Variants in ATP2B3 observed in about 807,000 individuals in gnomAD.
ATP2B3 encodes ATPase plasma membrane Ca2+ transporting 3.
A neutral mutation model predicts 70.8 loss-of-function variants in ATP2B3; 12 were observed. The observed-to-expected ratio is 0.17, with a 90% CI of 0.11 to 0.27. The LOEUF is 0.27. Ranked by LOEUF, ATP2B3 falls within the 10% of genes least tolerant of loss-of-function variation. The pLI is 1.00. For synonymous variants in ATP2B3, 460 were observed against 497.8 expected (o/e 0.92, Z 1.01); for missense variants, 858 against 1,118.5 (o/e 0.77, Z 3.32).
intron 21 of ATP2B3, among the ~76,000 whole-genome samples, chrX:153,578,387 A>C (rs782197446): frequency 1.8e-5 from 2 of 113,025 alleles, no homozygotes; most frequent in African/African-American, 6.4e-5. Context: ...ATGGCAGTAC[A>C]AGGTGGGCCA....
chrX:153,556,464 T>C (rs781789119), intron 15 of ATP2B3, 46 bp downstream of exon 15: 17 of 1,142,475 alleles, frequency 1.5e-5, no homozygotes, highest in Non-Finnish European at 2.0e-5. Flanking sequence ...CAGCCCGAGG[T>C]TGTCTGCTTC....
In ATP2B3 at chrX:153,556,931, A is replaced by T; in HGVS notation, c.2341A>T (p.Thr781Ser). ...CTGTCTTCCAGGGATTATCGACAGC[A>T]CCACTGGTGAGCAGCGGCAGGTGGT... ...HTLVKGIIDS[T>S]TGEQRQVVAV... The change falls in exon 16 of 22, where the codon ACC (threonine) becomes TCC (serine). Residue 781 changes from threonine to serine, a missense_variant. This residue lies in a region of ATP2B3 where 242 missense variants were observed against 281.3 expected (regional missense o/e 0.86). Transcript: ENST00000263519. The T allele has an allele frequency of 8.4e-7, 1 of 1,191,616 alleles. No individual in the cohort carries two copies. Among genetic ancestry groups the T allele is most frequent in the Non-Finnish European group, 1.1e-6 (1 of 885,092 alleles).
chrX:153,531,817 C>T (rs1377272228), intron 2 of ATP2B3, among the ~76,000 whole-genome samples: 1 of 112,624 alleles, frequency 8.9e-6, no homozygotes. Context: ...AAGGGGTGCT[C>T]GACTGGGGTG....
chrX:153,527,583 G>C (rs1039532893), intron 2 of ATP2B3, among the ~76,000 whole-genome samples: 2 of 112,884 alleles, frequency 1.8e-5, no homozygotes, highest in Non-Finnish European at 3.7e-5. Flanking sequence ...CCTCAGTGTA[G>C]ACTTCTGGCC....
At chrX:153,530,900 C>G (rs782441097) in intron 2 of ATP2B3, among the ~76,000 whole-genome samples, 66 of 112,696 alleles carry the variant, frequency 5.9e-4, no homozygotes, top group African/African-American at 2.1e-3. Flanking sequence ...CTCCCTCCAC[C>G]AGCACAAGTG....
At chrX:153,535,764 G>T (rs1453871298) in intron 2 of ATP2B3, among the ~76,000 whole-genome samples, 2 of 113,027 alleles carry the variant, frequency 1.8e-5, no homozygotes, top group African/African-American at 6.4e-5. Context: ...GTCCCAGCAC[G>T]CTGCCCTCAC....
intron 12 of ATP2B3, 50 bp from the exon 13 acceptor site, chrX:153,552,985 T>C: frequency 9.1e-7 from 1 of 1,092,958 alleles, no homozygotes; most frequent in East Asian, 3.0e-5. Context: ...GCGCTGTTCC[T>C]TGTTGTTCTC....
chrX:153,520,430 CT>C (rs782289521), intron 2 of ATP2B3, among the ~76,000 whole-genome samples: 6 of 112,645 alleles, frequency 5.3e-5, no homozygotes, highest in African/African-American at 1.9e-4. Context: ...CACATATGAA[CT>C]CCCCTCTGAT....
At chrX:153,552,276 G>A (rs1029727585) in intron 12 of ATP2B3, among the ~76,000 whole-genome samples, 1 of 112,197 alleles carries the variant, frequency 8.9e-6, no homozygotes, top group South Asian at 3.7e-4. Flanking sequence ...GGGGTGTGAG[G>A]GTTCCGTGGG....
intron 3 of ATP2B3, among the ~76,000 whole-genome samples, chrX:153,536,882 G>T (rs1300747320): frequency 8.9e-6 from 1 of 112,346 alleles, no homozygotes. Context: ...GCAAGCCTTC[G>T]GAGTTTCGGG....
chrX:153,551,859 G>A (rs1434109598), intron 12 of ATP2B3, among the ~76,000 whole-genome samples: 5 of 112,329 alleles, frequency 4.5e-5, no homozygotes, highest in Admixed American at 9.3e-5. Flanking sequence ...TGGCCTTGGC[G>A]TCTCTGTCCA....
At chrX:153,553,518 G>A (rs1315411694) in intron 13 of ATP2B3, among the ~76,000 whole-genome samples, 1 of 112,276 alleles carries the variant, frequency 8.9e-6, no homozygotes, top group Non-Finnish European at 1.9e-5. Flanking sequence ...GAAGGTGGCA[G>A]TGGCGGAGAG....
intron 21 of ATP2B3, among the ~76,000 whole-genome samples, chrX:153,573,259 C>T (rs1307597670): frequency 4.4e-5 from 5 of 112,372 alleles, no homozygotes; most frequent in Non-Finnish European, 7.5e-5. Context: ...GGGGCCAAAC[C>T]GGGCCACGTG....
Position 153,548,824 on chromosome X carries a change from T to C in ATP2B3, c.1308T>C (p.Ala436=). 8.3e-7 allele frequency: 1 copy of C among 1,211,701 alleles called. No homozygotes were observed. Among genetic ancestry groups the C allele is most frequent in the South Asian group, 1.8e-5 (1 of 56,981 alleles). The change falls in exon 10 of 22, where the codon GCT becomes GCC. Residue 436 remains alanine (A), a synonymous_variant. Coordinates refer to ENST00000263519, the MANE Select transcript of ATP2B3 (RefSeq NM_001001344.3). ...VVAVPEGLPL[A]VTISLAYSVK... The stretch of plus-strand genomic sequence containing the variant: ...CTGTCCCAGAGGGCCTGCCTCTTGC[T>C]GTCACCATCTCCTTAGCTTACTCTG...
chrX:153,560,919 C>A (rs781978200), intron 19 of ATP2B3, 32 bp downstream of exon 19: 6 of 1,202,774 alleles, frequency 5.0e-6, no homozygotes, highest in Non-Finnish European at 5.6e-6. Flanking sequence ...TTGGCCTCTG[C>A]CACTTGCAAA....
At position 153,580,982 on chromosome X, in the gene ATP2B3, C is replaced by T. The variant is rs998705597; in HGVS notation, c.*684C>T. Reference sequence around the variant, plus strand: ...ACACACACGTATATATGGCCAGATGCGTATTTCAATAAGGAACTATTTACT... The same window carrying T: ...ACACACACGTATATATGGCCAGATGTGTATTTCAATAAGGAACTATTTACT... On this transcript the variant is annotated 3_prime_UTR_variant, in exon 22 of 22. Coordinates refer to ENST00000263519, the MANE Select transcript of ATP2B3 (RefSeq NM_001001344.3). The T allele has an allele frequency of 4.5e-5, 5 of 111,738 alleles. No individual in the cohort carries two copies. The highest frequency in any genetic ancestry group is 9.4e-5 in the Admixed American group (1 of 10,598). 9.2% of individuals were successfully genotyped at this position (111,738 alleles called of 1,213,427 possible).
intron 21 of ATP2B3, among the ~76,000 whole-genome samples, chrX:153,574,406 G>C (rs1408573745): frequency 1.8e-5 from 2 of 111,990 alleles, no homozygotes; most frequent in Non-Finnish European, 3.8e-5. Context: ...CCAGTGGTTG[G>C]TGCTGAGCAG....
chrX:153,530,886 C>T (rs2090106660), intron 2 of ATP2B3, among the ~76,000 whole-genome samples: 1 of 112,606 alleles, frequency 8.9e-6, no homozygotes, highest in African/African-American at 3.2e-5. Flanking sequence ...CTTTTCCCAT[C>T]CTCCTCCCTC....
chrX:153,523,701 TTTTTTTTTTTC>T (rs1329386133), intron 2 of ATP2B3, among the ~76,000 whole-genome samples: 2 of 28,577 alleles, frequency 7.0e-5, no homozygotes, highest in Non-Finnish European at 1.3e-4. Flanking sequence ...TTTTTTTTTT[TTTTTTTTTTTC>T]CCTGAGACAG....
Sources: allele counts gnomAD v4.1 joint callset (sites outside exome capture counted in the v4.1 genomes callset), GRCh38; gene constraint gnomAD v4.1.1; regional missense constraint gnomAD v4.1.1; transcripts MANE v1.5; gene names NCBI Gene and HGNC (gene_info 2026-07-23, HGNC 2026-07-21).